Variants in DLGAP2 observed in about 807,000 individuals in gnomAD.
DLGAP2 encodes DLG associated protein 2.
DLGAP2 carries 26 observed loss-of-function variants against 100.3 expected under a neutral mutation model. That is an observed-to-expected ratio of 0.26 (90% CI 0.19 to 0.36). DLGAP2 has a LOEUF of 0.36. DLGAP2 is among the 10% of genes least tolerant of loss of function. The probability of loss-of-function intolerance (pLI) is 1.00; values close to 1 mark genes in which losing one functional copy is unlikely to be tolerated. For synonymous variants in DLGAP2, 886 were observed against 630.1 expected (o/e 1.41, Z -6.08); for missense variants, 1,858 against 1,453.2 (o/e 1.28, Z -4.53).
intron 5 of DLGAP2, among the ~76,000 whole-genome samples, chr8:1,561,687 C>G: frequency 6.8e-6 from 1 of 147,318 alleles, no homozygotes; most frequent in Admixed American, 6.7e-5. Flanking sequence ...TGGGTGTCCG[C>G]GCCTCGTTAC....
At chr8:1,293,464 C>T (rs1035672448) in intron 3 of DLGAP2, among the ~76,000 whole-genome samples, 1 of 152,216 alleles carries the variant, frequency 6.6e-6, no homozygotes, top group Non-Finnish European at 1.5e-5. Context: ...CCTCCCTTTT[C>T]TGGGCTCCAG....
chr8:1,204,138 A>G (rs1324860662), intron 2 of DLGAP2, among the ~76,000 whole-genome samples: 1 of 152,256 alleles, frequency 6.6e-6, no homozygotes, highest in African/African-American at 2.4e-5. Flanking sequence ...CATGGCAGCA[A>G]TGCCGGTCCA....
chr8:1,160,740 C>T (rs113331249), intron 2 of DLGAP2, among the ~76,000 whole-genome samples: 113 of 152,336 alleles, frequency 7.4e-4, no homozygotes, highest in Non-Finnish European at 1.0e-3. Context: ...GTAAAGCCAC[C>T]CCGAGCCTGG....
chr8:1,557,163 G>A (rs1375756345), intron 5 of DLGAP2, among the ~76,000 whole-genome samples: 1 of 152,192 alleles, frequency 6.6e-6, no homozygotes, highest in South Asian at 2.1e-4. Flanking sequence ...CATATCTCCA[G>A]ATGTCACCAA....
At chr8:1,582,943 C>T (rs567079150) in intron 6 of DLGAP2, among the ~76,000 whole-genome samples, 4 of 152,086 alleles carry the variant, frequency 2.6e-5, no homozygotes, top group South Asian at 2.1e-4. Flanking sequence ...CTGCATGTCT[C>T]GGTTTTGGTG....
At chr8:1,454,205 C>T (rs1798241589) in intron 3 of DLGAP2, among the ~76,000 whole-genome samples, 2 of 152,174 alleles carry the variant, frequency 1.3e-5, no homozygotes, top group Non-Finnish European at 2.9e-5. Context: ...ACAAGCACGT[C>T]CACAGCCGCC....
At chr8:1,310,505 G>T (rs1026909547) in intron 3 of DLGAP2, among the ~76,000 whole-genome samples, 3 of 152,130 alleles carry the variant, frequency 2.0e-5, no homozygotes, top group African/African-American at 4.8e-5. Flanking sequence ...GGACGGACAC[G>T]TACAGAAGCA....
At chr8:943,189 T>A (rs1219951267) in intron 2 of DLGAP2, among the ~76,000 whole-genome samples, 1 of 152,166 alleles carries the variant, frequency 6.6e-6, no homozygotes, top group Admixed American at 6.5e-5. Flanking sequence ...GGTAGAGAAA[T>A]GTTTACCAGT....
intron 2 of DLGAP2, among the ~76,000 whole-genome samples, chr8:1,062,735 T>C (rs2129035483): frequency 6.6e-6 from 1 of 152,118 alleles, no homozygotes; most frequent in Non-Finnish European, 1.5e-5. Flanking sequence ...CTGGGGGTAG[T>C]TGGGGGGAGA....
chr8:1,222,641 T>G (rs1266029014), intron 2 of DLGAP2, among the ~76,000 whole-genome samples: 1 of 143,066 alleles, frequency 7.0e-6, no homozygotes, highest in African/African-American at 2.6e-5. Flanking sequence ...GTGTACACGG[T>G]GGGGGGAGGC....
chr8:1,690,148 G>A (rs1052281070), intron 12 of DLGAP2, among the ~76,000 whole-genome samples: 4 of 152,116 alleles, frequency 2.6e-5, no homozygotes, highest in Admixed American at 6.5e-5. Flanking sequence ...CGGAGGTCAG[G>A]AGTTCGAGAC....
At chr8:1,529,281 G>C (rs767590520) in intron 4 of DLGAP2, among the ~76,000 whole-genome samples, 20 of 152,168 alleles carry the variant, frequency 1.3e-4, no homozygotes, top group Non-Finnish European at 2.5e-4. Context: ...GAACAGCATG[G>C]GGGATACAGC....
At chr8:1,660,605 T>C (rs540941128) in intron 8 of DLGAP2, among the ~76,000 whole-genome samples, 2 of 152,314 alleles carry the variant, frequency 1.3e-5, no homozygotes, top group African/African-American at 4.8e-5. Flanking sequence ...TCTACAGTGT[T>C]TCCAATTCTT....
At chr8:1,135,891 G>A (rs1045996396) in intron 2 of DLGAP2, among the ~76,000 whole-genome samples, 23 of 152,166 alleles carry the variant, frequency 1.5e-4, no homozygotes, top group African/African-American at 5.6e-4. Context: ...GTTGCCCGTC[G>A]TGTAATCACA....
At chr8:1,210,442 C>T (rs377405387) in intron 2 of DLGAP2, among the ~76,000 whole-genome samples, 15 of 152,230 alleles carry the variant, frequency 9.9e-5, no homozygotes, top group African/African-American at 3.4e-4. Context: ...CATGTTCATT[C>T]AAGAGCAGCA....
chr8:1,054,278 A>T (rs771619600), intron 2 of DLGAP2, among the ~76,000 whole-genome samples: 5 of 151,988 alleles, frequency 3.3e-5, no homozygotes, highest in African/African-American at 1.2e-4. Context: ...ACGGACACAC[A>T]CGCACACACA....
intron 2 of DLGAP2, among the ~76,000 whole-genome samples, chr8:1,047,094 T>C (rs917339294): frequency 2.6e-5 from 4 of 152,244 alleles, no homozygotes; most frequent in African/African-American, 9.6e-5. Flanking sequence ...AATTGCAGAA[T>C]ATTTCTTATC....
intron 2 of DLGAP2, among the ~76,000 whole-genome samples, chr8:1,176,659 G>A (rs1233407486): frequency 6.6e-6 from 1 of 152,174 alleles, no homozygotes; most frequent in Admixed American, 6.5e-5. Context: ...GGGCGAGAGG[G>A]CAGGAAGGTG....
At chr8:1,223,322 G>T (rs1011970777) in intron 2 of DLGAP2, among the ~76,000 whole-genome samples, 1 of 152,126 alleles carries the variant, frequency 6.6e-6, no homozygotes, top group East Asian at 1.9e-4. Flanking sequence ...TATGCCATGG[G>T]CTGGTCTCTG....
Sources: gnomAD v4.1 joint callset for allele counts (sites outside exome capture counted in the v4.1 genomes callset) on GRCh38, gnomAD v4.1.1 for gene constraint, MANE v1.5 for transcripts, NCBI Gene and HGNC (gene_info 2026-07-23, HGNC 2026-07-21) for gene names.